Variants in RNF125 observed in about 807,000 individuals in gnomAD.
RNF125 encodes ring finger protein 125, also known as E3 ubiquitin-protein ligase RNF125.
Under a neutral mutation model 26.0 loss-of-function variants are expected in RNF125, and 21 were observed. The observed-to-expected ratio is 0.81, with a 90% CI of 0.57 to 1.16. The LOEUF (loss-of-function observed/expected upper bound fraction) is 1.16, where lower values mean the gene tolerates loss of function less well. RNF125 is among the 50% of genes most tolerant of loss of function. The pLI is 0.00. For missense variants in RNF125, 270 were observed against 299.4 expected (o/e 0.90, Z 0.72); for synonymous variants, 95 against 109.2 (o/e 0.87, Z 0.81).
the RNF125 span, among the ~76,000 whole-genome samples, chr18:32,085,372 G>GAAGAGAGAGA: frequency 1.2e-5 from 1 of 86,882 alleles, no homozygotes; most frequent in African/African-American, 5.8e-5. Flanking sequence ...ACTGCCAGAA[G>GAAGAGAGAGA]CAGAGAGAGA....
At chr18:32,051,035 T>A (rs919942363) in intron 4 of RNF125, among the ~76,000 whole-genome samples, 1 of 151,878 alleles carries the variant, frequency 6.6e-6, no homozygotes, top group Admixed American at 6.6e-5. Flanking sequence ...AAAGTTCTCT[T>A]TCTTTCACTG....
the RNF125 span, among the ~76,000 whole-genome samples, chr18:32,087,153 G>A: frequency 6.6e-6 from 1 of 151,916 alleles, no homozygotes; most frequent in African/African-American, 2.4e-5. Context: ...TGTATCTTTT[G>A]CAATATCCTT....
intron 1 of RNF125, among the ~76,000 whole-genome samples, chr18:32,022,595 T>C (rs2038995691): frequency 6.6e-6 from 1 of 152,064 alleles, no homozygotes; most frequent in Admixed American, 6.6e-5. Flanking sequence ...GCTTGGAACA[T>C]GGTTATGGGA....
intron 4 of RNF125, among the ~76,000 whole-genome samples, chr18:32,050,401 C>A (rs1262949173): frequency 6.6e-6 from 1 of 152,146 alleles, no homozygotes; most frequent in Admixed American, 6.6e-5. Flanking sequence ...CTCACTGTAA[C>A]CTTGAACTCC....
At chr18:32,074,894 C>G (rs2039559572), downstream of RNF125, among the ~76,000 whole-genome samples, 1 of 152,192 alleles carries the variant, frequency 6.6e-6, no homozygotes, top group Non-Finnish European at 1.5e-5. Context: ...GATTATTTTA[C>G]AAAATGAAAG....
chr18:32,021,618 TA>T (rs1257544063), intron 1 of RNF125, among the ~76,000 whole-genome samples: 1 of 152,180 alleles, frequency 6.6e-6, no homozygotes, highest in Non-Finnish European at 1.5e-5. Context: ...TTATTAGCAT[TA>T]AAACTTTAAA....
chr18:32,081,427 A>G, the RNF125 span, among the ~76,000 whole-genome samples: 4,224 of 152,254 alleles, frequency 0.028, 85 homozygotes, highest in Non-Finnish European at 0.042. Context: ...AGAGACAACA[A>G]CTTTACTCTC....
chr18:32,043,157 A>G (rs12327088), intron 3 of RNF125, among the ~76,000 whole-genome samples: 3,684 of 152,186 alleles, frequency 0.024, 40 homozygotes, highest in African/African-American at 0.033. Flanking sequence ...TCAAAAAAAA[A>G]AGAAACACAT....
chr18:32,022,538 A>AGATGCTT (rs1206674284), intron 1 of RNF125, among the ~76,000 whole-genome samples: 4 of 152,252 alleles, frequency 2.6e-5, no homozygotes, highest in Non-Finnish European at 5.9e-5. Context: ...AGAAAGGGCC[A>AGATGCTT]GATGCTTGAT....
In RNF125 at chr18:32,018,838, C is replaced by T. The variant is rs748803678; in HGVS notation, c.-26C>T. On this transcript the variant is annotated 5_prime_UTR_variant, in exon 1 of 6. Transcript: ENST00000217740. ...CCTGCGGCAGGCACTGAGTGCTTCG[C>T]AGCTGTCTGGGCGAGAGGCACAGCG... 260 of 1,534,440 alleles carry T rather than the reference C, an allele frequency of 1.7e-4. 2 individuals carry two copies. In the South Asian group the frequency reaches 3.0e-3, roughly 18 times the overall value.
intron 2 of RNF125, among the ~76,000 whole-genome samples, chr18:32,041,620 C>CTTTTTTTTTTTTTT (rs60264747): frequency 1.1e-5 from 1 of 93,280 alleles, no homozygotes; most frequent in African/African-American, 3.9e-5. Flanking sequence ...AATGTAGATG[C>CTTTTTTTTTTTTTT]TTTTTTTTTT....
chr18:32,088,690 A>G, the RNF125 span, among the ~76,000 whole-genome samples: 26 of 152,006 alleles, frequency 1.7e-4, no homozygotes, highest in African/African-American at 6.0e-4. Flanking sequence ...TAGTAGAGAC[A>G]GGTTTCGCCA....
At chr18:32,028,211 T>C (rs1014226996) in intron 1 of RNF125, among the ~76,000 whole-genome samples, 2 of 143,122 alleles carry the variant, frequency 1.4e-5, no homozygotes, top group African/African-American at 5.3e-5. Context: ...GGCAGGAGAA[T>C]GGTGTGAACT....
At chr18:32,090,409 A>C in the RNF125 span, among the ~76,000 whole-genome samples, 1 of 152,212 alleles carries the variant, frequency 6.6e-6, no homozygotes, top group African/African-American at 2.4e-5. Context: ...AGCTAGTATT[A>C]GCTTTCTTGT....
intron 5 of RNF125, among the ~76,000 whole-genome samples, chr18:32,066,916 C>G (rs1477321476): frequency 1.3e-5 from 2 of 152,160 alleles, no homozygotes; most frequent in South Asian, 2.1e-4. Flanking sequence ...CAGGCCTCAA[C>G]AGAACTTGGT....
intron 4 of RNF125, among the ~76,000 whole-genome samples, chr18:32,057,627 G>A (rs368875777): frequency 6.6e-6 from 1 of 152,178 alleles, no homozygotes; most frequent in African/African-American, 2.4e-5. Flanking sequence ...GAGCTACCGC[G>A]CCTGGTCCAA....
In RNF125 at chr18:32,068,308, TA is replaced by T; in HGVS notation, c.625del (p.Ile209LeufsTer10). 6.5e-7 allele frequency: 1 copy of T among 1,542,462 alleles called. No individual in the cohort carries two copies. The highest frequency in any genetic ancestry group is 9.0e-7 in the Non-Finnish European group (1 of 1,116,428). On this transcript the variant is annotated frameshift_variant, in exon 6 of 6. Coordinates refer to ENST00000217740, the MANE Select transcript of RNF125 (RefSeq NM_017831.4). LOFTEE classifies it high-confidence loss of function. ...LFYDDFIDFN[I>X]IEEALIRRVL... ...TTTTCTTTATTGTAGGATTTTAATA[TA>T]ATTGAGGAAGCTCTTATCCGAAGAG...
At chr18:32,038,755 G>A (rs2039186462) in intron 2 of RNF125, among the ~76,000 whole-genome samples, 1 of 151,992 alleles carries the variant, frequency 6.6e-6, no homozygotes, top group Non-Finnish European at 1.5e-5. Flanking sequence ...GCCAAGATCG[G>A]GCTTATATCT....
At chr18:32,055,975 A>G (rs1322323582) in intron 4 of RNF125, among the ~76,000 whole-genome samples, 3 of 57,766 alleles carry the variant, frequency 5.2e-5, no homozygotes, top group Non-Finnish European at 9.5e-5. Flanking sequence ...GTGAAACTCC[A>G]TCTCAAAAAA....
Sources: gnomAD v4.1 joint callset for allele counts (sites outside exome capture counted in the v4.1 genomes callset) on GRCh38, gnomAD v4.1.1 for gene constraint, MANE v1.5 for transcripts, NCBI Gene and HGNC (gene_info 2026-07-23, HGNC 2026-07-21) for gene names.